CDH22: variants seen among roughly 807,000 people sequenced by gnomAD.
The protein encoded by CDH22 is cadherin 22, also known as cadherin-22.
Under a neutral mutation model 58.4 loss-of-function variants are expected in CDH22, and 30 were observed. The ratio of observed to expected loss-of-function variants is 0.51; its 90% CI spans 0.38 to 0.70. The LOEUF is 0.70. Among genes scored for constraint, CDH22 ranks in the 30% least tolerant of loss-of-function variants. CDH22 has a pLI of 0.00. For synonymous variants in CDH22, 513 were observed against 558.2 expected (o/e 0.92, Z 1.14); for missense variants, 1,014 against 1,233.9 (o/e 0.82, Z 2.67).
intron 6 of CDH22, among the ~76,000 whole-genome samples, chr20:46,211,135 C>T (rs1702364505): frequency 6.6e-6 from 1 of 152,200 alleles, no homozygotes; most frequent in Non-Finnish European, 1.5e-5. Flanking sequence ...TGGCTAAATC[C>T]ATGCTGAGCC....
At chr20:46,231,500 CACTGA>C (rs1490444748) in intron 3 of CDH22, among the ~76,000 whole-genome samples, 4 of 152,148 alleles carry the variant, frequency 2.6e-5, no homozygotes, top group African/African-American at 9.7e-5. Flanking sequence ...CTGAATCCCT[CACTGA>C]ACTGATGAGG....
chr20:46,274,392 C>T (rs2086507401), intron 1 of CDH22, among the ~76,000 whole-genome samples: 1 of 152,154 alleles, frequency 6.6e-6, no homozygotes, highest in Admixed American at 6.5e-5. Flanking sequence ...GTTCTAATGC[C>T]TTTCTCCTTA....
chr20:46,195,970 G>A (rs73908642), intron 8 of CDH22, among the ~76,000 whole-genome samples: 5,117 of 152,272 alleles, frequency 0.034, 297 homozygotes, highest in African/African-American at 0.12. Context: ...ATTATGACCA[G>A]GAGCAGGTGG....
chr20:46,288,085 G>A (rs1193217055), intron 1 of CDH22, among the ~76,000 whole-genome samples: 1 of 152,196 alleles, frequency 6.6e-6, no homozygotes, highest in African/African-American at 2.4e-5. Context: ...CAAGTTTGGA[G>A]GATAAGGAAC....
In CDH22 at chr20:46,241,071, G is replaced by A. The variant is rs769473187; in HGVS notation, c.442C>T (p.Leu148=). ...ATGATGAACTCCGACTCGGGCTCCA[G>A]TAGGCGGTTGGTGGCGCGATCCCGA... ...QARDRATNRL[L]EPESEFIIKV... The change falls in exon 3 of 12, where the codon CTG becomes TTG. Residue 148 remains leucine, a synonymous_variant. Transcript: ENST00000537909. The surrounding 1 kb of genome is among the most constrained non-coding windows in gnomAD (Gnocchi z 5.2). The A allele has an allele frequency of 5.6e-6, 9 of 1,614,096 alleles. No individual in the cohort carries two copies. Among genetic ancestry groups the A allele is most frequent in the Admixed American group, 1.7e-5 (1 of 60,006 alleles).
intron 8 of CDH22, among the ~76,000 whole-genome samples, chr20:46,196,553 C>T (rs920188025): frequency 3.2e-4 from 49 of 152,158 alleles, no homozygotes; most frequent in Admixed American, 1.2e-3. Flanking sequence ...GGATTACAGG[C>T]GTGAGCCACT....
rs961586214 is a variant in CDH22, at chr20:46,300,497, C to T, written c.-400+7758G>A. Among the ~76,000 whole-genome samples, 4 of 152,188 alleles carry T rather than the reference C, an allele frequency of 2.6e-5. No individual in the cohort carries two copies. Among genetic ancestry groups the T allele is most frequent in the Admixed American group, 1.3e-4 (2 of 15,282 alleles). On this transcript the variant is annotated intron_variant, in intron 1 of 11. Coordinates refer to ENST00000537909, the MANE Select transcript of CDH22 (RefSeq NM_021248.3). The surrounding 1 kb of genome is among the most constrained non-coding windows in gnomAD (Gnocchi z 4.4). Reference sequence around the variant, plus strand: ...CATCACACACACAAGCGCGCGTGTGCGTGCGCGTGCACACACACATACACA... The same window carrying T: ...CATCACACACACAAGCGCGCGTGTGTGTGCGCGTGCACACACACATACACA...
intron 8 of CDH22, among the ~76,000 whole-genome samples, chr20:46,195,314 T>C (rs1165054813): frequency 6.6e-6 from 1 of 152,224 alleles, no homozygotes; most frequent in Non-Finnish European, 1.5e-5. Flanking sequence ...CCTGCCCTCA[T>C]GGAAGGTACA....
intron 1 of CDH22, among the ~76,000 whole-genome samples, chr20:46,302,011 T>A (rs1222829142): frequency 2.0e-5 from 3 of 152,162 alleles, no homozygotes; most frequent in Non-Finnish European, 2.9e-5. Flanking sequence ...ATGGTCCAGC[T>A]CTCTGGGGAG....
At chr20:46,307,238 C>T (rs1028977947) in intron 1 of CDH22, among the ~76,000 whole-genome samples, 1 of 152,230 alleles carries the variant, frequency 6.6e-6, no homozygotes, top group African/African-American at 2.4e-5. Context: ...AAGGGGGTGC[C>T]CTGCACCTCG....
In CDH22 at chr20:46,174,715, C is replaced by A; in HGVS notation, c.2278G>T (p.Gly760Trp). Reference sequence around the variant, plus strand: ...TCGTAGGGCGGCACCGACAGGTCCCCGTCCGCCAGTGCCACCTTGCGGCTG... The same window carrying A: ...TCGTAGGGCGGCACCGACAGGTCCCAGTCCGCCAGTGCCACCTTGCGGCTG... ...FISRKVALAD[G>W]DLSVPPYDAF... The change falls in exon 12 of 12, where the codon GGG (glycine) becomes TGG (tryptophan). Residue 760 changes from glycine (G) to tryptophan (W), a missense_variant. Gly to Trp is a radical substitution (Grantham distance 184). Coordinates refer to ENST00000537909, the MANE Select transcript of CDH22 (RefSeq NM_021248.3). This position sits in a 1 kb window ranked among gnomAD's most constrained non-coding sequence, Gnocchi z 4.4. 1 of 1,555,904 alleles carries A rather than the reference C, an allele frequency of 6.4e-7. No individual in the cohort carries two copies. The highest frequency in any genetic ancestry group is 2.3e-5 in the East Asian group (1 of 42,866).
At chr20:46,177,796 G>T in intron 11 of CDH22, 150 bp downstream of exon 11, 2 of 995,568 alleles carry the variant, frequency 2.0e-6, no homozygotes, top group Non-Finnish European at 1.5e-6. Context: ...TCCTCATGGG[G>T]GCTGCTTGTT....
intron 1 of CDH22, among the ~76,000 whole-genome samples, chr20:46,262,787 C>T (rs1442777867): frequency 6.6e-6 from 1 of 152,176 alleles, no homozygotes; most frequent in Admixed American, 6.5e-5. Context: ...CACTCAACGC[C>T]CTGCCTGATT....
intron 8 of CDH22, among the ~76,000 whole-genome samples, chr20:46,196,248 T>C (rs1428235080): frequency 6.6e-6 from 1 of 151,794 alleles, no homozygotes; most frequent in Admixed American, 6.6e-5. Context: ...ATGGAGATGG[T>C]GAAAAGGAAG....
At chr20:46,232,326 C>T (rs1456075553) in intron 3 of CDH22, among the ~76,000 whole-genome samples, 1 of 152,172 alleles carries the variant, frequency 6.6e-6, no homozygotes, top group Non-Finnish European at 1.5e-5. Context: ...CATTCCAGCC[C>T]TGTCCTTGGC....
intron 2 of CDH22, among the ~76,000 whole-genome samples, chr20:46,246,423 C>CT (rs1365664731): frequency 4.6e-5 from 7 of 152,174 alleles, no homozygotes; most frequent in African/African-American, 1.7e-4. Context: ...ATAATTCTAT[C>CT]TTTTTTTAAA....
intron 1 of CDH22, among the ~76,000 whole-genome samples, chr20:46,252,413 C>T (rs1431335137): frequency 6.6e-6 from 1 of 152,208 alleles, no homozygotes; most frequent in African/African-American, 2.4e-5. Flanking sequence ...ATCTTTCCTC[C>T]CCACTCTTGG....
intron 7 of CDH22, 39 bp from the exon 8 acceptor site, chr20:46,199,598 G>A: frequency 6.2e-7 from 1 of 1,602,006 alleles, no homozygotes. Context: ...AGGTGCCCCA[G>A]TGCCAAATGG....
rs1555803344 is a variant in CDH22, at chr20:46,223,704, T to TCTTTCTTTC, written c.670+3795_670+3803dup. The stretch of plus-strand genomic sequence containing the variant: ...TTCTTTCTTTCTTTCTTTCTTTCTT[T>TCTTTCTTTC]CTTTCTTTCTTTTTCTTTCTTTCTC... On this transcript the variant is annotated intron_variant, in intron 4 of 11. Coordinates refer to ENST00000537909, the MANE Select transcript of CDH22 (RefSeq NM_021248.3). 5.5e-3 allele frequency among the ~76,000 whole-genome samples: 371 copies of TCTTTCTTTC among 66,886 alleles called. 3 individuals carry two copies. Among genetic ancestry groups the TCTTTCTTTC allele is most frequent in the Non-Finnish European group, 9.7e-3 (306 of 31,476 alleles). The allele number at this position is 66,886 out of a possible 152,430, so 43.9% of individuals were successfully genotyped here.
Sources: allele counts gnomAD v4.1 joint callset (sites outside exome capture counted in the v4.1 genomes callset), GRCh38; gene constraint gnomAD v4.1.1; non-coding constraint Gnocchi (gnomAD v3.1); transcripts MANE v1.5; gene names NCBI Gene and HGNC (gene_info 2026-07-23, HGNC 2026-07-21).